ZFX: variants seen among roughly 807,000 people sequenced by gnomAD.
ZFX encodes the protein zinc finger X-chromosomal protein.
For missense variants in ZFX, 362 were observed against 628.3 expected (o/e 0.58, Z 4.53); for synonymous variants, 196 against 226.8 (o/e 0.86, Z 1.22).
Position 24,214,195 on chromosome X carries a change from G to C in ZFX, c.*2819G>C, listed in dbSNP as rs1938311629. The C allele has an allele frequency of 9.0e-6, 1 of 111,712 alleles. No individual in the cohort carries two copies. The highest frequency in any genetic ancestry group is 3.3e-5 in the African/African-American group (1 of 30,714). The allele number at this position is 111,712 out of a possible 1,213,427, so 9.2% of individuals were successfully genotyped here. A position where few individuals can be genotyped will look rare whatever the true frequency, so the allele number is the denominator to read the frequency against. ...AAAAAAATGGATGTTTCAGTTAAATGTTTTAAAGAGGTACAGATTTTTACA... is the reference window on the plus strand; with the variant it reads ...AAAAAAATGGATGTTTCAGTTAAATCTTTTAAAGAGGTACAGATTTTTACA... On this transcript the variant is annotated 3_prime_UTR_variant, in exon 10 of 10. Coordinates refer to ENST00000304543, the MANE Select transcript of ZFX (RefSeq NM_003410.4).
Position 24,171,219 on chromosome X carries a change from C to CT in ZFX, c.-28-1488dup, listed in dbSNP as rs903934105. Reference sequence around the variant, plus strand: ...AGGGAAAAATTGTTTCCAGCTTTCTCTTTTTTTTGTGGGGAAGGAGATTTA... The same window carrying CT: ...AGGGAAAAATTGTTTCCAGCTTTCTCTTTTTTTTTGTGGGGAAGGAGATTTA... On this transcript the variant is annotated intron_variant, in intron 3 of 9. Coordinates refer to ENST00000304543, the MANE Select transcript of ZFX (RefSeq NM_003410.4). Among the ~76,000 whole-genome samples the CT allele has an allele frequency of 4.6e-4, 51 of 110,852 alleles. 1 individual carries two copies. Among genetic ancestry groups the CT allele is most frequent in the African/African-American group, 1.3e-3 (39 of 30,455 alleles).
Position 24,207,864 on chromosome X carries a change from G to A in ZFX, c.940+9G>A. 1 of 1,207,340 alleles carries A rather than the reference G, an allele frequency of 8.3e-7. No individual in the cohort carries two copies. Among genetic ancestry groups the A allele is most frequent in the Non-Finnish European group, 1.1e-6 (1 of 894,373 alleles). On this transcript the variant is annotated intron_variant, in intron 7 of 9. Transcript: ENST00000304543. The stretch of plus-strand genomic sequence containing the variant: ...AGAAGATGAAGATTTAAGTAAGTAG[G>A]TGGCCTTTTTGTGGGAGAAAATTTT...
rs1251921536 is a variant in ZFX, at chrX:24,214,372, G to A, written c.*2996G>A. 1 of 111,869 alleles carries A rather than the reference G, an allele frequency of 8.9e-6. No individual in the cohort carries two copies. The highest frequency in any genetic ancestry group is 3.7e-4 in the South Asian group (1 of 2,716). The allele number at this position is 111,869 out of a possible 1,213,427, so 9.2% of individuals were successfully genotyped here. A position where few individuals can be genotyped will look rare whatever the true frequency, so the allele number is the denominator to read the frequency against. On this transcript the variant is annotated 3_prime_UTR_variant, in exon 10 of 10. Coordinates refer to ENST00000304543, the MANE Select transcript of ZFX (RefSeq NM_003410.4). ...TTGTAATTGTGTACTTGAGAATAAC[G>A]TGCAAAAATAAAAATCAGAATATTT...
At chrX:24,176,472 G>A (rs779466223) in intron 4 of ZFX, among the ~76,000 whole-genome samples, 2 of 78,184 alleles carry the variant, frequency 2.6e-5, no homozygotes, top group East Asian at 4.2e-4. Context: ...TTACTCTGTC[G>A]CCCAGGCTGG....
At chrX:24,168,671 C>CTT (rs141296315) in intron 3 of ZFX, among the ~76,000 whole-genome samples, 4 of 83,230 alleles carry the variant, frequency 4.8e-5, no homozygotes, top group Non-Finnish European at 9.2e-5. Context: ...TTCTTTCTTT[C>CTT]TTTTTTTTTT....
chrX:24,179,812 G>C lies in ZFX; in HGVS notation c.646+42G>C, dbSNP rs765413450. 3.6e-6 allele frequency: 4 copies of C among 1,114,646 alleles called. No individual in the cohort carries two copies. The South Asian group carries it at 6.1e-5, about 17-fold the overall frequency. 91.9% of individuals were successfully genotyped at this position (1,114,646 alleles called of 1,213,427 possible). On this transcript the variant is annotated intron_variant, in intron 5 of 9. Transcript: ENST00000304543. Reference sequence around the variant, plus strand: ...AGTGATTGTCAAAGGTGTTTTTGTAGGCTGCCTCTTCTAATTTACATCAGG... The same window carrying C: ...AGTGATTGTCAAAGGTGTTTTTGTACGCTGCCTCTTCTAATTTACATCAGG...
chrX:24,157,097 A>G (rs1181357909), intron 3 of ZFX, among the ~76,000 whole-genome samples: 3 of 112,420 alleles, frequency 2.7e-5, no homozygotes, highest in Admixed American at 9.5e-5. Flanking sequence ...CCTCAAATTT[A>G]TAGAATAAAT....
At chrX:24,161,865 A>AGCTTT (rs1236274444) in intron 3 of ZFX, 1 of 105,808 alleles carries the variant, frequency 9.5e-6, no homozygotes. Flanking sequence ...ATGTCTGCCT[A>AGCTTT]GCTTTTGTAT....
intron 5 of ZFX, among the ~76,000 whole-genome samples, chrX:24,191,020 C>T (rs1277220524): frequency 2.7e-5 from 3 of 111,870 alleles, no homozygotes; most frequent in Non-Finnish European, 3.8e-5. Context: ...GGCTCAATCT[C>T]GACTAGCTTC....
At position 24,215,776 on chromosome X, in the gene ZFX, T is replaced by TA. The variant is rs753945441; in HGVS notation, c.*4401dup. On this transcript the variant is annotated 3_prime_UTR_variant, in exon 10 of 10. Coordinates refer to ENST00000304543, the MANE Select transcript of ZFX (RefSeq NM_003410.4). The stretch of plus-strand genomic sequence containing the variant: ...TAAATCTCGTGTGGCCTCCCATGGT[T>TA]ACATTCTTCAAAGGTAAACTGAGTT... 3.6e-5 allele frequency: 4 copies of TA among 110,905 alleles called. No individual in the cohort carries two copies. The South Asian group carries it at 1.6e-3, about 43-fold the overall frequency. The allele number at this position is 110,905 out of a possible 1,213,427, so 9.1% of individuals were successfully genotyped here.
rs1938346490 is a variant in ZFX, at chrX:24,214,748, C to T, written c.*3372C>T. The stretch of plus-strand genomic sequence containing the variant: ...TTTGTTTTATTAGCATCTCCAATTC[C>T]CCTGAGATAAATTACTCATGCATAA... On this transcript the variant is annotated 3_prime_UTR_variant, in exon 10 of 10. Coordinates refer to ENST00000304543, the MANE Select transcript of ZFX (RefSeq NM_003410.4). The T allele has an allele frequency of 8.9e-6, 1 of 111,788 alleles. No individual in the cohort carries two copies. The highest frequency in any genetic ancestry group is 1.9e-5 in the Non-Finnish European group (1 of 53,192). The allele number at this position is 111,788 out of a possible 1,213,427, so 9.2% of individuals were successfully genotyped here. A position where few individuals can be genotyped will look rare whatever the true frequency, so the allele number is the denominator to read the frequency against.
At chrX:24,163,037 A>C (rs750082708) in intron 3 of ZFX, among the ~76,000 whole-genome samples, 1 of 111,057 alleles carries the variant, frequency 9.0e-6, no homozygotes, top group Non-Finnish European at 1.9e-5. Context: ...TAATTTGTTA[A>C]CTGTTAAAAT....
At chrX:24,160,392 G>T (rs1034569116) in intron 3 of ZFX, among the ~76,000 whole-genome samples, 1 of 103,774 alleles carries the variant, frequency 9.6e-6, no homozygotes, top group Admixed American at 1.1e-4. Flanking sequence ...TTTGCCTCCC[G>T]GGTTCAAGCG....
intron 4 of ZFX, chrX:24,173,571 T>C (rs1404434736): frequency 1.8e-6 from 2 of 1,141,735 alleles, no homozygotes; most frequent in East Asian, 6.6e-5. Flanking sequence ...CGTTGTAAAG[T>C]GGTTACACTT....
chrX:24,193,799 T>A (rs996651973), intron 5 of ZFX, among the ~76,000 whole-genome samples: 2 of 112,065 alleles, frequency 1.8e-5, no homozygotes, highest in East Asian at 5.5e-4. Flanking sequence ...AAATTATTGT[T>A]TTTTAATTAT....
chrX:24,197,314 C>G (rs1936988753), intron 5 of ZFX, among the ~76,000 whole-genome samples: 1 of 111,466 alleles, frequency 9.0e-6, no homozygotes, highest in Admixed American at 9.6e-5. Context: ...AAAACAAAAA[C>G]ATTTATTTAT....
chrX:24,171,940 G>C (rs1307580887), intron 3 of ZFX, among the ~76,000 whole-genome samples: 3 of 110,297 alleles, frequency 2.7e-5, no homozygotes, highest in Non-Finnish European at 5.7e-5. Flanking sequence ...GAGAGAGAGA[G>C]AGGCAGACAG....
intron 3 of ZFX, among the ~76,000 whole-genome samples, chrX:24,171,824 C>G (rs931873361): frequency 3.6e-5 from 4 of 110,071 alleles, no homozygotes; most frequent in Non-Finnish European, 7.6e-5. Flanking sequence ...TTCTGTTACT[C>G]AAGGCACTCA....
At chrX:24,192,382 AT>A (rs1449947178) in intron 5 of ZFX, among the ~76,000 whole-genome samples, 2 of 111,688 alleles carry the variant, frequency 1.8e-5, no homozygotes, top group East Asian at 5.6e-4. Context: ...CTGTTTAAAG[AT>A]TTATCAGGTG....
Sources: allele counts gnomAD v4.1 joint callset (sites outside exome capture counted in the v4.1 genomes callset), GRCh38; gene constraint gnomAD v4.1.1; transcripts MANE v1.5; gene names NCBI Gene and HGNC (gene_info 2026-07-23, HGNC 2026-07-21).